Variants in CACNA2D1 observed in about 807,000 individuals in gnomAD.
CACNA2D1 encodes voltage-dependent calcium channel subunit alpha-2/delta-1.
Under a neutral mutation model 171.5 loss-of-function variants are expected in CACNA2D1, and 53 were observed. The observed-to-expected ratio is 0.31, with a 90% confidence interval of 0.25 to 0.39. CACNA2D1 has a LOEUF of 0.39. Ranked by LOEUF, CACNA2D1 falls within the 10% of genes least tolerant of loss-of-function variation. The pLI is 1.00. For missense variants in CACNA2D1, 903 were observed against 1,299.8 expected (o/e 0.69, Z 4.69); for synonymous variants, 442 against 443.1 (o/e 1.00, Z 0.03).
At chr7:81,982,809 A>C in intron 23 of CACNA2D1, 182 bp from the exon 24 acceptor site, 1 of 665,794 alleles carries the variant, frequency 1.5e-6, no homozygotes, top group Non-Finnish European at 2.7e-6. Context: ...AAAATAATAA[A>C]ATTATAACAT....
chr7:81,982,481 C>A (rs772254612), intron 24 of CACNA2D1, 86 bp downstream of exon 24: 52 of 792,808 alleles, frequency 6.6e-5, no homozygotes, highest in Non-Finnish European at 1.0e-4. Context: ...ATGGAACTAA[C>A]CCAGAGCAGT....
chr7:82,308,312 G>C (rs986392296), intron 3 of CACNA2D1, among the ~76,000 whole-genome samples: 3 of 152,120 alleles, frequency 2.0e-5, no homozygotes, highest in Non-Finnish European at 4.4e-5. Context: ...AGAAACATGA[G>C]AGTTACGGTT....
At chr7:82,087,180 G>A (rs534348210) in intron 6 of CACNA2D1, among the ~76,000 whole-genome samples, 4 of 152,120 alleles carry the variant, frequency 2.6e-5, no homozygotes, top group Non-Finnish European at 5.9e-5. Context: ...TGTGTAGTAA[G>A]ATGTAAGAAT....
chr7:82,443,234 G>A lies in CACNA2D1; in HGVS notation c.95+131C>T, dbSNP rs1325108407. ...CCGCCTGCCCGGCGTCTCCGCATCC[G>A]AGCCTGGCTCCCCGGCCGCTCGCTC... On this transcript the variant is annotated intron_variant, in intron 1 of 38. Transcript: ENST00000356860. 7 of 843,932 alleles carry A rather than the reference G, an allele frequency of 8.3e-6. No homozygotes were observed. In the East Asian group the frequency reaches 2.0e-4, roughly 25 times the overall value. 52.3% of individuals were successfully genotyped at this position (843,932 alleles called of 1,614,324 possible). A position where few individuals can be genotyped will look rare whatever the true frequency, so the allele number is the denominator to read the frequency against.
intron 1 of CACNA2D1, among the ~76,000 whole-genome samples, chr7:82,397,239 A>G (rs1825837701): frequency 6.6e-6 from 1 of 151,948 alleles, no homozygotes; most frequent in African/African-American, 2.4e-5. Context: ...CACATGTATA[A>G]CCTGTATCAT....
intron 3 of CACNA2D1, among the ~76,000 whole-genome samples, chr7:82,192,146 G>A (rs1374526925): frequency 2.7e-5 from 4 of 150,910 alleles, no homozygotes; most frequent in South Asian, 4.2e-4. Context: ...CAAATTTAAT[G>A]TAAAGAAACA....
chr7:82,063,299 G>A (rs1289821845), intron 9 of CACNA2D1, among the ~76,000 whole-genome samples: 2 of 152,040 alleles, frequency 1.3e-5, no homozygotes, highest in Admixed American at 1.3e-4. Context: ...TCAAGGATTA[G>A]CATATAAGAT....
chr7:82,312,173 C>T lies in CACNA2D1; in HGVS notation c.294+22962G>A, dbSNP rs531066138. On this transcript the variant is annotated intron_variant, in intron 3 of 38. Coordinates refer to ENST00000356860, the MANE Select transcript of CACNA2D1 (RefSeq NM_000722.4). Reference sequence around the variant, plus strand: ...CAGGCCAAGGTTAATAAGACTAAAACGTATTTTATAAATAAATTGGTCTTA... The same window carrying T: ...CAGGCCAAGGTTAATAAGACTAAAATGTATTTTATAAATAAATTGGTCTTA... 4.6e-5 allele frequency among the ~76,000 whole-genome samples: 7 copies of T among 152,202 alleles called. No individual in the cohort carries two copies. In the East Asian group the frequency reaches 1.4e-3, roughly 29 times the overall value.
intron 4 of CACNA2D1, among the ~76,000 whole-genome samples, chr7:82,158,615 G>A (rs1405085146): frequency 6.6e-6 from 1 of 151,940 alleles, no homozygotes; most frequent in Non-Finnish European, 1.5e-5. Context: ...AAAAGCCTCA[G>A]TGAAGTCTTA....
chr7:82,442,622 G>A (rs192881472), intron 1 of CACNA2D1, among the ~76,000 whole-genome samples: 2 of 152,114 alleles, frequency 1.3e-5, no homozygotes, highest in East Asian at 3.9e-4. Context: ...TTTTAGAAAT[G>A]GTAAAAATAA....
Position 82,069,872 on chromosome 7 carries a change from C to T in CACNA2D1, c.659-3348G>A, listed in dbSNP as rs143218030. On this transcript the variant is annotated intron_variant, in intron 7 of 38. Transcript: ENST00000356860. ...ATCCTAAAAACTTCACAGTCTTAGT[C>T]TCATGATAATTTTAAAAAGTAAATT... is the stretch of plus-strand genomic sequence containing the variant. 1.4e-4 allele frequency among the ~76,000 whole-genome samples: 21 copies of T among 152,126 alleles called. 1 individual carries two copies. The East Asian group carries it at 4.1e-3, about 29-fold the overall frequency.
At chr7:82,133,933 C>T (rs1791303789) in intron 5 of CACNA2D1, among the ~76,000 whole-genome samples, 1 of 151,920 alleles carries the variant, frequency 6.6e-6, no homozygotes, top group Non-Finnish European at 1.5e-5. Context: ...ATTAGCTGGG[C>T]ATGGTGGCGG....
chr7:82,066,746 G>A (rs1248027954), intron 7 of CACNA2D1, among the ~76,000 whole-genome samples: 2 of 152,020 alleles, frequency 1.3e-5, no homozygotes, highest in Admixed American at 6.6e-5. Context: ...CTCTTTTTAC[G>A]AGTTATTTCA....
At chr7:82,056,058 G>GA (rs1245166543) in intron 10 of CACNA2D1, among the ~76,000 whole-genome samples, 3 of 124,058 alleles carry the variant, frequency 2.4e-5, no homozygotes, top group Non-Finnish European at 5.0e-5. Flanking sequence ...GGCCCACCTT[G>GA]AAAAGTACAG....
chr7:82,206,246 A>AATAT (rs928457308), intron 3 of CACNA2D1, among the ~76,000 whole-genome samples: 1 of 151,474 alleles, frequency 6.6e-6, no homozygotes, highest in East Asian at 1.9e-4. Flanking sequence ...TTGGTAGATA[A>AATAT]ATATATATAT....
chr7:82,071,089 T>C (rs1808266717), intron 7 of CACNA2D1, among the ~76,000 whole-genome samples: 1 of 152,210 alleles, frequency 6.6e-6, no homozygotes, highest in African/African-American at 2.4e-5. Flanking sequence ...GTTGTGTTAC[T>C]AACGAAACCA....
rs939785002 is a variant in CACNA2D1 at position 81,997,194 on chromosome 7, A to G, written c.1647T>C (p.Asn549=). 2.5e-6 allele frequency: 4 copies of G among 1,602,330 alleles called. No individual in the cohort carries two copies. In the African/African-American group the frequency reaches 5.4e-5, roughly 21 times the overall value. Residue 549 remains asparagine, a synonymous_variant, in exon 19 of 39, where the codon AAT becomes AAC. Transcript: ENST00000356860. ...TTCCACTCACCTCCACTTTAATATC[A>G]TTCTCTAACTCTGCATCAAGGAAAT... is the stretch of plus-strand genomic sequence containing the variant. ...TLDFLDAELE[N]DIKVEIRNKM... is the part of the protein sequence containing the mutation.
intron 6 of CACNA2D1, among the ~76,000 whole-genome samples, chr7:82,111,440 ATATATTTT>A (rs1788429472): frequency 3.0e-5 from 3 of 99,702 alleles, no homozygotes; most frequent in South Asian, 3.1e-4. Flanking sequence ...ATATATATAT[ATATATTTT>A]TTTTTTTTTT....
chr7:82,089,628 T>C (rs576816250), intron 6 of CACNA2D1, among the ~76,000 whole-genome samples: 1 of 152,312 alleles, frequency 6.6e-6, no homozygotes, highest in South Asian at 2.1e-4. Context: ...GAGTATTCTA[T>C]TGTTCAGTCT....
Sources: allele counts gnomAD v4.1 joint callset (sites outside exome capture counted in the v4.1 genomes callset), GRCh38; gene constraint gnomAD v4.1.1; transcripts MANE v1.5; gene names NCBI Gene and HGNC (gene_info 2026-07-23, HGNC 2026-07-21).